Variants in HOOK1 observed in about 807,000 individuals in gnomAD.
HOOK1 encodes the protein protein Hook homolog 1.
Under a neutral mutation model 112.8 loss-of-function variants are expected in HOOK1, and 60 were observed. That is an observed-to-expected ratio of 0.53 (90% CI 0.43 to 0.66). The LOEUF (loss-of-function observed/expected upper bound fraction) is 0.66. Ranked by LOEUF, HOOK1 falls within the 30% of genes least tolerant of loss-of-function variation. HOOK1 has a pLI of 0.00. For missense variants in HOOK1, 770 were observed against 856.0 expected, an observed-to-expected ratio of 0.90 and a Z score of 1.25; for synonymous variants, 294 against 283.8, an observed-to-expected ratio of 1.04 and a Z score of -0.36.
intron 6 of HOOK1, 144 bp downstream of exon 6, chr1:59,835,556 C>G (rs564759089): frequency 1.8e-6 from 1 of 557,684 alleles, no homozygotes; most frequent in Admixed American, 3.6e-5. Flanking sequence ...CCTTTTTTAC[C>G]CCCAAAAATA....
rs2098380129 is a variant in HOOK1 at position 59,815,098 on chromosome 1, C to T, written c.-20C>T. ...GGGAGTGTGAAGGTGTCCGCGGCGT[C>T]GTCGACGGCGGCGCCGGCCATGGAG... On this transcript the variant is annotated 5_prime_UTR_variant, in exon 1 of 22. Transcript: ENST00000371208. 1 of 1,538,666 alleles carries T rather than the reference C, an allele frequency of 6.5e-7. No homozygotes were observed. Among genetic ancestry groups the T allele is most frequent in the Admixed American group, 2.0e-5 (1 of 50,936 alleles).
intron 15 of HOOK1, among the ~76,000 whole-genome samples, chr1:59,862,515 T>C (rs1286863638): frequency 6.6e-6 from 1 of 152,160 alleles, no homozygotes; most frequent in Non-Finnish European, 1.5e-5. Flanking sequence ...GAGTGCGGTG[T>C]AGAAATTTTT....
intron 1 of HOOK1, among the ~76,000 whole-genome samples, chr1:59,819,814 T>G (rs538647239): frequency 6.6e-6 from 1 of 152,342 alleles, no homozygotes; most frequent in South Asian, 2.1e-4. Flanking sequence ...CAGTTTATTT[T>G]CCTTTTAAAG....
chr1:59,837,287 T>G (rs2098398378), intron 7 of HOOK1, among the ~76,000 whole-genome samples: 1 of 152,186 alleles, frequency 6.6e-6, no homozygotes. Context: ...TCACTTGATA[T>G]TGAAGAAATA....
intron 12 of HOOK1, among the ~76,000 whole-genome samples, chr1:59,856,345 T>G (rs898750340): frequency 2.0e-5 from 3 of 151,896 alleles, no homozygotes; most frequent in Non-Finnish European, 2.9e-5. Context: ...GGTGAGACAT[T>G]GCTATAATTT....
chr1:59,834,350 A>G (rs1303781437), intron 5 of HOOK1, among the ~76,000 whole-genome samples: 1 of 152,180 alleles, frequency 6.6e-6, no homozygotes, highest in African/African-American at 2.4e-5. Context: ...TTTACCTACA[A>G]ACTCTGAAAG....
In HOOK1 at chr1:59,814,949, G is replaced by C; in HGVS notation, c.-169G>C. 1.6e-6 allele frequency: 1 copy of C among 635,056 alleles called. No homozygotes were observed. Among genetic ancestry groups the C allele is most frequent in the Non-Finnish European group, 2.7e-6 (1 of 372,892 alleles). The allele number at this position is 635,056 out of a possible 1,614,324, so 39.3% of individuals were successfully genotyped here. ...CGAGGCGGGGGCGGGTGAGGAGGGG[G>C]TGACGCCGGACGCGTCGACAGCGCG... On this transcript the variant is annotated 5_prime_UTR_variant, in exon 1 of 22. Coordinates refer to ENST00000371208, the MANE Select transcript of HOOK1 (RefSeq NM_015888.6).
At chr1:59,829,514 G>C (rs2098392272) in intron 3 of HOOK1, among the ~76,000 whole-genome samples, 1 of 152,028 alleles carries the variant, frequency 6.6e-6, no homozygotes, top group South Asian at 2.1e-4. Context: ...GTTGTGTCTT[G>C]TAGGACATTT....
At position 59,850,213 on chromosome 1, in the gene HOOK1, G is replaced by A. The variant is rs2098406374; in HGVS notation, c.1242+1030G>A. Reference sequence around the variant, plus strand: ...AATCCTTTGCCAATGTTTTACTTAGGTTATATGCTTTTTAATTATTGAGTT... The same window carrying A: ...AATCCTTTGCCAATGTTTTACTTAGATTATATGCTTTTTAATTATTGAGTT... On this transcript the variant is annotated intron_variant, in intron 12 of 21. Transcript: ENST00000371208. Among the ~76,000 whole-genome samples, 5 of 150,964 alleles carry A rather than the reference G, an allele frequency of 3.3e-5. No homozygotes were observed. In the South Asian group the frequency reaches 1.0e-3, roughly 31 times the overall value.
In HOOK1 at chr1:59,814,986, G is replaced by GTGA; in HGVS notation, c.-131_-129dup. On this transcript the variant is annotated 5_prime_UTR_variant, in exon 1 of 22. It adds an upstream start codon to the 5' untranslated region. Coordinates refer to ENST00000371208, the MANE Select transcript of HOOK1 (RefSeq NM_015888.6). ...GCGTCGACAGCGCGAGGGTTCGCGCGTGAGCTGCGCGGGTCGGGCCTGGTA... is the reference window on the plus strand; with the variant it reads ...GCGTCGACAGCGCGAGGGTTCGCGCGTGATGAGCTGCGCGGGTCGGGCCTGGTA... The GTGA allele has an allele frequency of 1.1e-6, 1 of 879,648 alleles. No homozygotes were observed. Among genetic ancestry groups the GTGA allele is most frequent in the Middle Eastern group, 2.3e-4 (1 of 4,262 alleles). 54.5% of individuals were successfully genotyped at this position (879,648 alleles called of 1,614,324 possible). A position where few individuals can be genotyped will look rare whatever the true frequency, so the allele number is the denominator to read the frequency against.
rs1644086515 is a variant in HOOK1 at position 59,873,285 on chromosome 1, A to G, written c.*320A>G. 2 of 182,716 alleles carry G rather than the reference A, an allele frequency of 1.1e-5. No homozygotes were observed. Among genetic ancestry groups the G allele is most frequent in the Non-Finnish European group, 2.3e-5 (2 of 88,740 alleles). The allele number at this position is 182,716 out of a possible 1,614,324, so 11.3% of individuals were successfully genotyped here. A position where few individuals can be genotyped will look rare whatever the true frequency, so the allele number is the denominator to read the frequency against. On this transcript the variant is annotated 3_prime_UTR_variant, in exon 22 of 22. Transcript: ENST00000371208. ...ATTTTAGTTAAATGTTTTCAGTTGT[A>G]TTAGTAACTTAATTAATTTTCAATA...
At chr1:59,866,029 C>T in intron 19 of HOOK1, 57 bp downstream of exon 19, 1 of 906,024 alleles carries the variant, frequency 1.1e-6, no homozygotes, top group Non-Finnish European at 1.8e-6. Flanking sequence ...TAGCAAGGCT[C>T]ATTTCACTGG....
At chr1:59,836,832 A>G in intron 6 of HOOK1, 41 bp from the exon 7 acceptor site, 5 of 1,103,782 alleles carry the variant, frequency 4.5e-6, no homozygotes, top group South Asian at 1.5e-5. Context: ...CTTCATAAAC[A>G]TCACATTGTT....
At chr1:59,855,188 G>A (rs540941917) in intron 12 of HOOK1, among the ~76,000 whole-genome samples, 2 of 152,148 alleles carry the variant, frequency 1.3e-5, no homozygotes, top group African/African-American at 4.8e-5. Flanking sequence ...TGTTATATAG[G>A]TCAACTCATG....
At chr1:59,829,073 C>G (rs1035288008) in intron 3 of HOOK1, among the ~76,000 whole-genome samples, 4 of 152,074 alleles carry the variant, frequency 2.6e-5, no homozygotes, top group African/African-American at 9.7e-5. Flanking sequence ...CTATTAATCC[C>G]TACCCCCAGC....
intron 16 of HOOK1, chr1:59,863,800 T>C (rs2102069547): frequency 1.1e-6 from 1 of 941,034 alleles, no homozygotes; most frequent in Non-Finnish European, 1.3e-6. Flanking sequence ...TTTCTTTTTT[T>C]TTTCCCTGGG....
intron 9 of HOOK1, among the ~76,000 whole-genome samples, chr1:59,844,119 A>G (rs764980643): frequency 6.6e-6 from 1 of 151,988 alleles, no homozygotes; most frequent in Non-Finnish European, 1.5e-5. Context: ...TTTTTTTGTT[A>G]CTTAATTTTG....
intron 9 of HOOK1, among the ~76,000 whole-genome samples, chr1:59,846,334 C>G (rs965856559): frequency 6.6e-6 from 1 of 151,606 alleles, no homozygotes; most frequent in African/African-American, 2.4e-5. Flanking sequence ...ATCACTCTTG[C>G]TAGAGGTTCA....
At position 59,826,002 on chromosome 1, in the gene HOOK1, G is replaced by A. The variant is rs193100301; in HGVS notation, c.150-2778G>A. On this transcript the variant is annotated intron_variant, in intron 2 of 21. Transcript: ENST00000371208. ...GACCACAGTTTAATGGGTTAATAGA[G>A]AAGATTTCTGGATATTTCAAGAAGA... Among the ~76,000 whole-genome samples the A allele has an allele frequency of 4.8e-3, 725 of 152,190 alleles. 4 individuals carry two copies. The highest frequency in any genetic ancestry group is 0.016 in the African/African-American group (676 of 41,524).
Sources: gnomAD v4.1 joint callset for allele counts (sites outside exome capture counted in the v4.1 genomes callset) on GRCh38, gnomAD v4.1.1 for gene constraint, MANE v1.5 for transcripts, NCBI Gene and HGNC (gene_info 2026-07-23, HGNC 2026-07-21) for gene names.